Variants in FMR1 observed in about 807,000 individuals in gnomAD.
FMR1 encodes the protein fragile X messenger ribonucleoprotein 1.
A neutral mutation model predicts 50.6 loss-of-function variants in FMR1; 13 were observed. The ratio of observed to expected loss-of-function variants is 0.26; its 90% confidence interval spans 0.17 to 0.41. The LOEUF is 0.41. Among genes scored for constraint, FMR1 ranks in the 10% least tolerant of loss-of-function variants. The pLI is 1.00. For missense variants in FMR1, 316 were observed against 491.3 expected, an observed-to-expected ratio of 0.64 and a Z score of 3.37; for synonymous variants, 138 against 164.1, an observed-to-expected ratio of 0.84 and a Z score of 1.22.
rs1557183543 is a variant in FMR1, at chrX:147,950,732, G to T, written c.*1888G>T. 3.1e-6 allele frequency: 1 copy of T among 323,281 alleles called. No homozygotes were observed. The allele number at this position is 323,281 out of a possible 1,213,427, so 26.6% of individuals were successfully genotyped here. On this transcript the variant is annotated 3_prime_UTR_variant, in exon 17 of 17. Transcript: ENST00000370475. ...AAGTGTTCTGTTACAAAATGTAACT[G>T]TTACCATTGGAAATTTCACGTCATA...
rs1797968949 is a variant in FMR1 at position 147,922,455 on chromosome X, A to G, written c.104+470A>G. On this transcript the variant is annotated intron_variant, in intron 2 of 16. Coordinates refer to ENST00000370475, the MANE Select transcript of FMR1 (RefSeq NM_002024.6). ...ATTTTTTTTAATGTTTCATATGTTC[A>G]GCAATAGCAGTAGCTGATCTTTTCT... Among the ~76,000 whole-genome samples the G allele has an allele frequency of 3.6e-5, 4 of 111,647 alleles. No individual in the cohort carries two copies. The South Asian group carries it at 1.5e-3, about 42-fold the overall frequency.
intron 12 of FMR1, among the ~76,000 whole-genome samples, chrX:147,939,936 C>T (rs1469759758): frequency 3.0e-5 from 3 of 99,955 alleles, no homozygotes; most frequent in Non-Finnish European, 4.0e-5. Context: ...CGGAGGCGGG[C>T]GGATCACGAG....
intron 2 of FMR1, among the ~76,000 whole-genome samples, chrX:147,923,682 G>GTA (rs1340354554): frequency 2.7e-5 from 3 of 111,602 alleles, no homozygotes; most frequent in Non-Finnish European, 5.7e-5. Flanking sequence ...TTTATCTCCT[G>GTA]TACCATATCT....
intron 14 of FMR1, 158 bp from the exon 15 acceptor site, chrX:147,944,711 T>A (rs1172771861): frequency 9.6e-7 from 1 of 1,046,043 alleles, no homozygotes; most frequent in African/African-American, 1.9e-5. Context: ...GAGTTTAAAA[T>A]TTTGTTTTAT....
chrX:147,924,543 A>C (rs1557177185), intron 2 of FMR1, among the ~76,000 whole-genome samples: 1 of 91,934 alleles, frequency 1.1e-5, no homozygotes, highest in African/African-American at 4.2e-5. Context: ...ACAGGATCTC[A>C]CTCTGTCACC....
At chrX:147,938,445 G>A (rs143515118) in intron 12 of FMR1, among the ~76,000 whole-genome samples, 3 of 111,453 alleles carry the variant, frequency 2.7e-5, no homozygotes, top group Non-Finnish European at 5.7e-5. Flanking sequence ...GAACATTCTC[G>A]TGCTTATTTT....
intron 16 of FMR1, 184 bp downstream of exon 16, chrX:147,945,800 G>A (rs1324154439): frequency 2.3e-6 from 1 of 442,934 alleles, no homozygotes; most frequent in Non-Finnish European, 4.0e-6. Flanking sequence ...ACAAATAAGA[G>A]GATTTCTCTA....
Position 147,937,562 on chromosome X carries a change from A to G in FMR1, c.1087A>G (p.Thr363Ala). 8.8e-7 allele frequency: 1 copy of G among 1,140,303 alleles called. No individual in the cohort carries two copies. The highest frequency in any genetic ancestry group is 1.2e-6 in the Non-Finnish European group (1 of 830,486). The allele number at this position is 1,140,303 out of a possible 1,213,427, so 94.0% of individuals were successfully genotyped here. A position where few individuals can be genotyped will look rare whatever the true frequency, so the allele number is the denominator to read the frequency against. Residue 363 changes from threonine to alanine, a missense_variant, in exon 11 of 17, where the codon ACC becomes GCC. Coordinates refer to ENST00000370475, the MANE Select transcript of FMR1 (RefSeq NM_002024.6). Reference sequence around the variant, plus strand: ...ACATTTAGATATAAAGGAAAACAGCACCCATTTTTCTCAACCTAACAGTAC... The same window carrying G: ...ACATTTAGATATAAAGGAAAACAGCGCCCATTTTTCTCAACCTAACAGTAC... ...KKHLDIKENS[T>A]HFSQPNSTKV...
chrX:147,918,986 A>T (rs546756995), intron 1 of FMR1, among the ~76,000 whole-genome samples: 1 of 111,715 alleles, frequency 9.0e-6, no homozygotes, highest in East Asian at 2.8e-4. Context: ...TGATTTACTT[A>T]GAACATTTCT....
In FMR1 at chrX:147,928,770, A is replaced by G. The variant is rs782421246; in HGVS notation, c.382A>G (p.Lys128Glu). The G allele has an allele frequency of 7.4e-6, 9 of 1,211,240 alleles. No homozygotes were observed. The highest frequency in any genetic ancestry group is 1.0e-5 in the Non-Finnish European group (9 of 894,914). The change falls in exon 5 of 17, where the codon AAG (lysine) becomes GAG (glutamate). Residue 128 changes from lysine to glutamate, a missense_variant. Physicochemically the swap from Lys to Glu is moderately conservative, Grantham distance 56. Transcript: ENST00000370475. ...ACCTGCCACAAAAGATACTTTCCAT[A>G]AGATCAAGCTGGATGTGCCAGAAGA... is the stretch of plus-strand genomic sequence containing the variant. The part of the protein sequence containing the change: ...NKPATKDTFH[K>E]IKLDVPEDLR...
At chrX:147,922,139 T>C (rs2043199086) in intron 2 of FMR1, among the ~76,000 whole-genome samples, 154 bp downstream of exon 2, 1 of 112,288 alleles carries the variant, frequency 8.9e-6, no homozygotes, top group Non-Finnish European at 1.9e-5. Context: ...CAACTCAGTA[T>C]TAAACTAATG....
intron 1 of FMR1, among the ~76,000 whole-genome samples, chrX:147,921,359 G>C (rs965900471): frequency 9.9e-5 from 11 of 111,067 alleles, no homozygotes; most frequent in Admixed American, 3.8e-4. Flanking sequence ...TTTTCTACAA[G>C]TACTGTGAGA....
chrX:147,925,406 T>C, intron 2 of FMR1, 134 bp from the exon 3 acceptor site: 2 of 544,647 alleles, frequency 3.7e-6, no homozygotes, highest in Non-Finnish European at 3.3e-6. Context: ...CAAAAACTGA[T>C]GATTTTAAAG....
At chrX:147,943,474 A>C (rs1557181334) in intron 14 of FMR1, 148 bp downstream of exon 14, 8 of 528,586 alleles carry the variant, frequency 1.5e-5, no homozygotes, top group Non-Finnish European at 2.6e-5. Context: ...CAGGAGACAT[A>C]GAGTAAAAAC....
At chrX:147,921,432 T>A (rs979041244) in intron 1 of FMR1, among the ~76,000 whole-genome samples, 2 of 110,613 alleles carry the variant, frequency 1.8e-5, no homozygotes, top group African/African-American at 6.6e-5. Context: ...ATATGATTGT[T>A]AAAGAAAGTT....
At chrX:147,939,419 G>GTACTC (rs1569545919) in intron 12 of FMR1, among the ~76,000 whole-genome samples, 1 of 111,621 alleles carries the variant, frequency 9.0e-6, no homozygotes, top group African/African-American at 3.3e-5. Flanking sequence ...TTATTGAAAT[G>GTACTC]TGTATGGGCT....
At position 147,950,566 on chromosome X, in the gene FMR1, C is replaced by T. The variant is rs187565603; in HGVS notation, c.*1722C>T. On this transcript the variant is annotated 3_prime_UTR_variant, in exon 17 of 17. Coordinates refer to ENST00000370475, the MANE Select transcript of FMR1 (RefSeq NM_002024.6). ...GACAACAGATTGGATTTTATGTTGA[C>T]ATTTGTTTGGTTATAGTGCAATATA... 2.2e-4 allele frequency: 73 copies of T among 327,910 alleles called. No homozygotes were observed. The East Asian group carries it at 2.4e-3, about 11-fold the overall frequency. The allele number at this position is 327,910 out of a possible 1,213,427, so 27.0% of individuals were successfully genotyped here.
In FMR1 at chrX:147,949,078, C is replaced by T. The variant is rs1159556505; in HGVS notation, c.*234C>T. On this transcript the variant is annotated 3_prime_UTR_variant, in exon 17 of 17. Transcript: ENST00000370475. The stretch of plus-strand genomic sequence containing the variant: ...ACATTGCTTTTAAAACTACTTAGCA[C>T]TTCAGGGCAGATTTTAGTTTTATTT... The T allele has an allele frequency of 4.2e-6, 2 of 478,892 alleles. No individual in the cohort carries two copies. Among genetic ancestry groups the T allele is most frequent in the Non-Finnish European group, 7.5e-6 (2 of 266,555 alleles). 39.5% of individuals were successfully genotyped at this position (478,892 alleles called of 1,213,427 possible).
intron 15 of FMR1, 69 bp from the exon 16 acceptor site, chrX:147,945,465 G>A: frequency 2.4e-6 from 2 of 841,460 alleles, no homozygotes; most frequent in Non-Finnish European, 1.8e-6. Context: ...AGAGGGTGTG[G>A]GAATAAAGAA....
Sources: allele counts gnomAD v4.1 joint callset (sites outside exome capture counted in the v4.1 genomes callset), GRCh38; gene constraint gnomAD v4.1.1; transcripts MANE v1.5; gene names NCBI Gene and HGNC (gene_info 2026-07-23, HGNC 2026-07-21).